AGPAT3: variants seen among roughly 807,000 people sequenced by gnomAD.
AGPAT3 encodes the protein 1-acylglycerol-3-phosphate O-acyltransferase 3.
Under a neutral mutation model 47.3 loss-of-function variants are expected in AGPAT3, and 5 were observed. The observed-to-expected ratio is 0.11, with a 90% CI of 0.06 to 0.22. AGPAT3 has a LOEUF of 0.22. Ranked by LOEUF, AGPAT3 falls within the 10% of genes least tolerant of loss-of-function variation. AGPAT3 has a pLI of 1.00. For missense variants in AGPAT3, 315 were observed against 493.0 expected, an observed-to-expected ratio of 0.64 and a Z score of 3.42; for synonymous variants, 212 against 208.3, an observed-to-expected ratio of 1.02 and a Z score of -0.15.
chr21:43,921,628 C>T (rs903696052), intron 2 of AGPAT3, among the ~76,000 whole-genome samples: 6 of 152,168 alleles, frequency 3.9e-5, no homozygotes, highest in Non-Finnish European at 7.3e-5. Flanking sequence ...TTGTTTCCTG[C>T]GGGTGAGACT....
intron 8 of AGPAT3, among the ~76,000 whole-genome samples, chr21:43,980,304 A>G (rs1185957998): frequency 1.4e-5 from 2 of 148,118 alleles, no homozygotes; most frequent in Admixed American, 6.7e-5. Context: ...AAAAAAAACG[A>G]GAGAGTTGAT....
Position 43,880,321 on chromosome 21 carries a change from T to C in AGPAT3, c.-112+14976T>C, listed in dbSNP as rs1246394180. On this transcript the variant is annotated intron_variant, in intron 1 of 9. Coordinates refer to ENST00000291572, the MANE Select transcript of AGPAT3 (RefSeq NM_020132.5). This position sits in a 1 kb window ranked among gnomAD's most constrained non-coding sequence, Gnocchi z 4.5. ...GAGCGGCAGGGGCAGCCACTGTTCC[T>C]GTGGAACACACTGGAGAGGCATCTG... Among the ~76,000 whole-genome samples the C allele has an allele frequency of 1.3e-5, 2 of 152,222 alleles. No individual in the cohort carries two copies. The highest frequency in any genetic ancestry group is 1.5e-5 in the Non-Finnish European group (1 of 68,028).
chr21:43,934,655 G>A lies in AGPAT3; in HGVS notation c.-48-24979G>A, dbSNP rs2087371523. Among the ~76,000 whole-genome samples, 1 of 152,204 alleles carries A rather than the reference G, an allele frequency of 6.6e-6. No homozygotes were observed. Among genetic ancestry groups the A allele is most frequent in the African/African-American group, 2.4e-5 (1 of 41,442 alleles). On this transcript the variant is annotated intron_variant, in intron 2 of 9. Coordinates refer to ENST00000291572, the MANE Select transcript of AGPAT3 (RefSeq NM_020132.5). This position sits in a 1 kb window ranked among gnomAD's most constrained non-coding sequence, Gnocchi z 4.7. ...TGTGGAGGGGCGGGCTCAAGCCCTGGTCGTGAGCAGGATGACATTCAGATA... is the reference window on the plus strand; with the variant it reads ...TGTGGAGGGGCGGGCTCAAGCCCTGATCGTGAGCAGGATGACATTCAGATA...
In AGPAT3 at chr21:43,954,941, C is replaced by T; in HGVS notation, c.-48-4693C>T. ...CTAGCCCAGAGGTTCAGGTGATGGACCAGAGACTGGCCGCTTTGTGACACC... is the reference window on the plus strand; with the variant it reads ...CTAGCCCAGAGGTTCAGGTGATGGATCAGAGACTGGCCGCTTTGTGACACC... On this transcript the variant is annotated intron_variant, in intron 2 of 9. Coordinates refer to ENST00000291572, the MANE Select transcript of AGPAT3 (RefSeq NM_020132.5). The surrounding 1 kb of genome is among the most constrained non-coding windows in gnomAD (Gnocchi z 4.0). 5 of 965,244 alleles carry T rather than the reference C, an allele frequency of 5.2e-6. No individual in the cohort carries two copies. The highest frequency in any genetic ancestry group is 6.6e-6 in the Non-Finnish European group (5 of 761,836). 59.8% of individuals were successfully genotyped at this position (965,244 alleles called of 1,614,324 possible). A position where few individuals can be genotyped will look rare whatever the true frequency, so the allele number is the denominator to read the frequency against.
Position 43,982,042 on chromosome 21 carries a change from G to A in AGPAT3, c.1043-262G>A, listed in dbSNP as rs1231009200. Among the ~76,000 whole-genome samples, 1 of 152,240 alleles carries A rather than the reference G, an allele frequency of 6.6e-6. No individual in the cohort carries two copies. Among genetic ancestry groups the A allele is most frequent in the Admixed American group, 6.5e-5 (1 of 15,290 alleles). ...TCCCACCAGCCAAAGACCCAGAGGG[G>A]CAGGCAGGGCAAGGTCCACGTGTCC... is the stretch of plus-strand genomic sequence containing the variant. On this transcript the variant is annotated intron_variant, in intron 9 of 9. Transcript: ENST00000291572. The surrounding 1 kb of genome is among the most constrained non-coding windows in gnomAD (Gnocchi z 6.2).
At chr21:43,971,296 G>C in intron 6 of AGPAT3, 92 bp from the exon 7 acceptor site, 4 of 1,120,950 alleles carry the variant, frequency 3.6e-6, no homozygotes, top group Non-Finnish European at 5.4e-6. Flanking sequence ...CCCAGGACGG[G>C]GCCGGGTCCC....
chr21:43,950,296 A>G (rs950770424), intron 2 of AGPAT3, among the ~76,000 whole-genome samples: 2 of 152,230 alleles, frequency 1.3e-5, no homozygotes, highest in African/African-American at 4.8e-5. Flanking sequence ...TCGTCTGCAC[A>G]GACTGACAGT....
intron 1 of AGPAT3, among the ~76,000 whole-genome samples, chr21:43,878,322 C>CA (rs2085778732): frequency 6.6e-6 from 1 of 152,242 alleles, no homozygotes; most frequent in Admixed American, 6.5e-5. Context: ...TAGATACACA[C>CA]ACACACTTAA....
intron 1 of AGPAT3, among the ~76,000 whole-genome samples, chr21:43,891,853 C>A (rs563406465): frequency 6.6e-6 from 1 of 152,112 alleles, no homozygotes; most frequent in Non-Finnish European, 1.5e-5. Context: ...TATTTTGACC[C>A]CCTCCCATGA....
rs1174831842 is a variant in AGPAT3 at position 43,955,868 on chromosome 21, C to CT, written c.-48-3765dup. Among the ~76,000 whole-genome samples, 4 of 149,778 alleles carry CT rather than the reference C, an allele frequency of 2.7e-5. No homozygotes were observed. The highest frequency in any genetic ancestry group is 5.9e-5 in the Non-Finnish European group (4 of 67,730). Reference sequence around the variant, plus strand: ...TGAGCCAAGATGGCACCACAGCACTCTAACCTGGGCAACAGTGAGATAATC... The same window carrying CT: ...TGAGCCAAGATGGCACCACAGCACTCTTAACCTGGGCAACAGTGAGATAATC... On this transcript the variant is annotated intron_variant, in intron 2 of 9. Transcript: ENST00000291572. This position sits in a 1 kb window ranked among gnomAD's most constrained non-coding sequence, Gnocchi z 4.1.
rs549216448 is a variant in AGPAT3, at chr21:43,907,722, C to G, written c.-49+3703C>G. Among the ~76,000 whole-genome samples the G allele has an allele frequency of 6.2e-4, 95 of 152,246 alleles. 1 individual carries two copies. The highest frequency in any genetic ancestry group is 1.2e-3 in the Admixed American group (19 of 15,288). On this transcript the variant is annotated intron_variant, in intron 2 of 9. Transcript: ENST00000291572. Reference sequence around the variant, plus strand: ...ACAGAGCGAGACTCCGTCTCAACAACAACAACAACAAAAAAACCGTTCCAT... The same window carrying G: ...ACAGAGCGAGACTCCGTCTCAACAAGAACAACAACAAAAAAACCGTTCCAT...
At chr21:43,958,617 GTGTA>G (rs1436916297) in intron 2 of AGPAT3, among the ~76,000 whole-genome samples, 2 of 149,642 alleles carry the variant, frequency 1.3e-5, no homozygotes, top group African/African-American at 2.5e-5. Flanking sequence ...TTTGTAGTGT[GTGTA>G]TGTGGCGTGT....
chr21:43,892,126 A>G (rs1601233096), intron 1 of AGPAT3, among the ~76,000 whole-genome samples: 1 of 152,016 alleles, frequency 6.6e-6, no homozygotes, highest in East Asian at 1.9e-4. Flanking sequence ...GGCCAACATG[A>G]TGAAATCCCG....
chr21:43,972,886 A>G (rs1264851648), intron 7 of AGPAT3, among the ~76,000 whole-genome samples: 4 of 152,212 alleles, frequency 2.6e-5, no homozygotes, highest in Non-Finnish European at 5.9e-5. Flanking sequence ...TCCTTGCCAC[A>G]TGTAAAGCTG....
intron 1 of AGPAT3, among the ~76,000 whole-genome samples, chr21:43,885,264 C>A (rs548149042): frequency 2.6e-5 from 4 of 152,238 alleles, no homozygotes; most frequent in Non-Finnish European, 4.4e-5. Flanking sequence ...GCTGCTTTTG[C>A]GTCATTGATG....
At chr21:43,945,478 T>C (rs2087845161) in intron 2 of AGPAT3, among the ~76,000 whole-genome samples, 1 of 152,244 alleles carries the variant, frequency 6.6e-6, no homozygotes, top group South Asian at 2.1e-4. Context: ...TCTGAGATTT[T>C]CTGACTTTAT....
At position 43,981,903 on chromosome 21, in the gene AGPAT3, C is replaced by T. The variant is rs541845300; in HGVS notation, c.1043-401C>T. ...ATTGGACTACGAGATGACTTGAGGC[C>T]ACCCACAGAGGACAGGATGTGACCT... On this transcript the variant is annotated intron_variant, in intron 9 of 9. Coordinates refer to ENST00000291572, the MANE Select transcript of AGPAT3 (RefSeq NM_020132.5). The surrounding 1 kb of genome is among the most constrained non-coding windows in gnomAD (Gnocchi z 5.3). 1.3e-5 allele frequency among the ~76,000 whole-genome samples: 2 copies of T among 152,332 alleles called. No homozygotes were observed. The highest frequency in any genetic ancestry group is 4.8e-5 in the African/African-American group (2 of 41,568).
At chr21:43,959,098 T>TGTGTGTGGTTTGCGGTGTGTGTGTGTC (rs1491465872) in intron 2 of AGPAT3, among the ~76,000 whole-genome samples, 149 of 130,344 alleles carry the variant, frequency 1.1e-3, no homozygotes, top group African/African-American at 4.3e-3. Flanking sequence ...GTGTGTGTCA[T>TGTGTGTGGTTTGCGGTGTGTGTGTGTC]GTGTGTGGTT....
At chr21:43,946,869 T>C (rs1263323349) in intron 2 of AGPAT3, 3 of 152,382 alleles carry the variant, frequency 2.0e-5, no homozygotes, top group Admixed American at 1.3e-4. Flanking sequence ...GGTGCATGGC[T>C]GTGCCCTAGC....
Sources: gnomAD v4.1 joint callset for allele counts (sites outside exome capture counted in the v4.1 genomes callset) on GRCh38, gnomAD v4.1.1 for gene constraint, Gnocchi (gnomAD v3.1) non-coding constraint, MANE v1.5 for transcripts, NCBI Gene and HGNC (gene_info 2026-07-23, HGNC 2026-07-21) for gene names.